KHDRBS2: variants seen among roughly 807,000 people sequenced by gnomAD.
KHDRBS2 encodes KH RNA binding domain containing, signal transduction associated 2, also known as KH domain-containing, RNA-binding, signal transduction-associated protein 2.
A neutral mutation model predicts 44.3 loss-of-function variants in KHDRBS2; 26 were observed. That is an observed-to-expected ratio of 0.59 (90% CI 0.43 to 0.81). The LOEUF (loss-of-function observed/expected upper bound fraction) is 0.81, where lower values mean the gene tolerates loss of function less well. KHDRBS2 is among the 40% of genes least tolerant of loss of function. The probability of loss-of-function intolerance (pLI) is 0.00; values close to 1 mark genes in which losing one functional copy is unlikely to be tolerated. For synonymous variants in KHDRBS2, 194 were observed against 151.1 expected (o/e 1.28, Z -2.08); for missense variants, 476 against 433.1 (o/e 1.10, Z -0.88).
At chr6:61,769,317 G>C (rs1385366164) in intron 6 of KHDRBS2, among the ~76,000 whole-genome samples, 1 of 152,110 alleles carries the variant, frequency 6.6e-6, no homozygotes, top group Non-Finnish European at 1.5e-5. Flanking sequence ...AGTAGGTACA[G>C]GACAGTGGGT....
intron 2 of KHDRBS2, among the ~76,000 whole-genome samples, chr6:62,171,648 A>ATAAAC (rs1405889062): frequency 1.3e-5 from 2 of 151,764 alleles, no homozygotes; most frequent in Non-Finnish European, 2.9e-5. Context: ...TTCAGTCAAA[A>ATAAAC]TAAAATAAAA....
chr6:61,964,642 T>C (rs1394742265), intron 4 of KHDRBS2, among the ~76,000 whole-genome samples: 3 of 152,110 alleles, frequency 2.0e-5, no homozygotes, highest in Non-Finnish European at 4.4e-5. Flanking sequence ...AAAGTAACAC[T>C]TGATGAACTT....
chr6:62,099,197 C>T (rs1056028224), intron 2 of KHDRBS2, among the ~76,000 whole-genome samples: 1 of 152,116 alleles, frequency 6.6e-6, no homozygotes, highest in Non-Finnish European at 1.5e-5. Flanking sequence ...GTTCTTAATG[C>T]TTATGAGTAT....
At chr6:61,807,790 A>G (rs529897913) in intron 6 of KHDRBS2, among the ~76,000 whole-genome samples, 2 of 152,242 alleles carry the variant, frequency 1.3e-5, no homozygotes, top group Middle Eastern at 6.8e-3. Context: ...TTATCTATGT[A>G]ACAAAGCTGC....
At chr6:62,141,777 G>A (rs1217302804) in intron 2 of KHDRBS2, among the ~76,000 whole-genome samples, 1 of 151,978 alleles carries the variant, frequency 6.6e-6, no homozygotes. Flanking sequence ...GATTTCCTTC[G>A]ATAATTTTCA....
chr6:61,629,925 A>G, the KHDRBS2 span, among the ~76,000 whole-genome samples: 1 of 152,224 alleles, frequency 6.6e-6, no homozygotes, highest in Non-Finnish European at 1.5e-5. Flanking sequence ...TGCTTTGTCA[A>G]ATATAATCTT....
At chr6:61,637,241 T>A in the KHDRBS2 span, among the ~76,000 whole-genome samples, 1 of 151,188 alleles carries the variant, frequency 6.6e-6, no homozygotes, top group Middle Eastern at 3.4e-3. Flanking sequence ...TGGCCATGTG[T>A]TCTCATTGTT....
chr6:61,826,640 T>C (rs754688585), intron 6 of KHDRBS2, among the ~76,000 whole-genome samples: 1 of 152,144 alleles, frequency 6.6e-6, no homozygotes, highest in Admixed American at 6.5e-5. Flanking sequence ...ATACAGGTAG[T>C]ATTCGTTAAT....
chr6:61,544,466 C>G, the KHDRBS2 span, among the ~76,000 whole-genome samples: 1 of 151,910 alleles, frequency 6.6e-6, no homozygotes, highest in Non-Finnish European at 1.5e-5. Flanking sequence ...AGCCTCCAAG[C>G]TAAAATAGCA....
chr6:62,181,690 C>G (rs1476297954), intron 1 of KHDRBS2, among the ~76,000 whole-genome samples: 1 of 151,904 alleles, frequency 6.6e-6, no homozygotes, highest in Admixed American at 6.6e-5. Flanking sequence ...AAAGTTTGTG[C>G]CCCCACCAAA....
intron 2 of KHDRBS2, among the ~76,000 whole-genome samples, chr6:62,093,551 T>C (rs1453282792): frequency 3.9e-5 from 6 of 152,000 alleles, no homozygotes; most frequent in Non-Finnish European, 8.8e-5. Context: ...CAATACATTA[T>C]TGTTAACTCT....
chr6:61,943,858 G>C (rs763626307), intron 4 of KHDRBS2, among the ~76,000 whole-genome samples: 34 of 152,006 alleles, frequency 2.2e-4, no homozygotes, highest in Non-Finnish European at 3.5e-4. Flanking sequence ...ACAAGCATAG[G>C]TATTTCTCAA....
intron 2 of KHDRBS2, among the ~76,000 whole-genome samples, chr6:62,159,011 A>G (rs1817046519): frequency 6.6e-6 from 1 of 152,110 alleles, no homozygotes; most frequent in South Asian, 2.1e-4. Flanking sequence ...CATTTATTAA[A>G]TGCCATGTGA....
Position 62,014,991 on chromosome 6 carries a change from C to T in KHDRBS2, c.336+32887G>A, listed in dbSNP as rs138591315. ...GATTTTTTTACCTTGGCAAACCATACGTGGAAGGTATTCAAGGAAAGGCTA... is the reference window on the plus strand; with the variant it reads ...GATTTTTTTACCTTGGCAAACCATATGTGGAAGGTATTCAAGGAAAGGCTA... On this transcript the variant is annotated intron_variant, in intron 3 of 8. Coordinates refer to ENST00000281156, the MANE Select transcript of KHDRBS2 (RefSeq NM_152688.4). Among the ~76,000 whole-genome samples, 79 of 152,158 alleles carry T rather than the reference C, an allele frequency of 5.2e-4. No homozygotes were observed. In the South Asian group the frequency reaches 0.013, roughly 25 times the overall value.
At chr6:62,216,374 C>T (rs1829977834) in intron 1 of KHDRBS2, among the ~76,000 whole-genome samples, 1 of 151,728 alleles carries the variant, frequency 6.6e-6, no homozygotes, top group Non-Finnish European at 1.5e-5. Flanking sequence ...TTTCGTGGAC[C>T]TCTAAAAGCT....
chr6:61,965,332 G>A (rs1279960465), intron 4 of KHDRBS2, among the ~76,000 whole-genome samples: 1 of 152,024 alleles, frequency 6.6e-6, no homozygotes, highest in African/African-American at 2.4e-5. Context: ...CTGTGGGTAT[G>A]GTCAACCGCT....
At chr6:61,593,422 T>C in the KHDRBS2 span, among the ~76,000 whole-genome samples, 2 of 151,382 alleles carry the variant, frequency 1.3e-5, no homozygotes, top group Non-Finnish European at 2.9e-5. Flanking sequence ...ATAATAAAAT[T>C]TCATTTTAAA....
chr6:62,210,991 C>A (rs189038109), intron 1 of KHDRBS2, among the ~76,000 whole-genome samples: 12 of 152,170 alleles, frequency 7.9e-5, no homozygotes, highest in Admixed American at 1.3e-4. Flanking sequence ...AACCTAAATT[C>A]TTTTTCTTTT....
chr6:61,901,593 G>C (rs566729835), intron 4 of KHDRBS2, among the ~76,000 whole-genome samples: 1 of 152,194 alleles, frequency 6.6e-6, no homozygotes, highest in African/African-American at 2.4e-5. Flanking sequence ...TATCAAGAAA[G>C]TACTCAGCAG....
Sources: gnomAD v4.1 joint callset for allele counts (sites outside exome capture counted in the v4.1 genomes callset) on GRCh38, gnomAD v4.1.1 for gene constraint, MANE v1.5 for transcripts, NCBI Gene and HGNC (gene_info 2026-07-23, HGNC 2026-07-21) for gene names.